GUCY1A2: variants seen among roughly 807,000 people sequenced by gnomAD.
GUCY1A2 encodes guanylate cyclase soluble subunit alpha-2.
In GUCY1A2, 27 loss-of-function variants were observed where a neutral mutation model predicts 63.5. The ratio of observed to expected loss-of-function variants is 0.43; its 90% CI spans 0.31 to 0.59. The LOEUF is 0.59. Among genes scored for constraint, GUCY1A2 ranks in the 20% least tolerant of loss-of-function variants. The pLI is 0.11. For synonymous variants in GUCY1A2, 364 were observed against 343.5 expected, an observed-to-expected ratio of 1.06 and a Z score of -0.66; for missense variants, 768 against 913.3, an observed-to-expected ratio of 0.84 and a Z score of 2.05.
intron 5 of GUCY1A2, among the ~76,000 whole-genome samples, chr11:106,788,040 A>C (rs1403645332): frequency 1.3e-5 from 2 of 152,146 alleles, no homozygotes; most frequent in African/African-American, 4.8e-5. Flanking sequence ...GATTTTCTCC[A>C]GTATTTATTA....
chr11:106,800,395 C>G (rs970624659), intron 5 of GUCY1A2, among the ~76,000 whole-genome samples: 2 of 152,126 alleles, frequency 1.3e-5, no homozygotes. Flanking sequence ...TGGGTATATG[C>G]CCAAAGGATT....
intron 5 of GUCY1A2, among the ~76,000 whole-genome samples, chr11:106,782,395 C>A (rs902788637): frequency 6.6e-5 from 10 of 152,188 alleles, no homozygotes; most frequent in Non-Finnish European, 1.0e-4. Flanking sequence ...GAAATGCTTT[C>A]TTTTCTCTCT....
At position 107,018,462 on chromosome 11, in the gene GUCY1A2, G is replaced by C. The variant is rs903762097; in HGVS notation, c.-407C>G. 5 of 151,150 alleles carry C rather than the reference G, an allele frequency of 3.3e-5. No individual in the cohort carries two copies. Among genetic ancestry groups the C allele is most frequent in the African/African-American group, 1.2e-4 (5 of 41,342 alleles). The allele number at this position is 151,150 out of a possible 1,614,324, so 9.4% of individuals were successfully genotyped here. ...TGCGGCCCAAGCAGAAGGGGAGGCA[G>C]AGGCAGAGGCTTCTGCCGCCTGCGC... On this transcript the variant is annotated 5_prime_UTR_variant, in exon 1 of 8. Transcript: ENST00000526355.
intron 5 of GUCY1A2, among the ~76,000 whole-genome samples, chr11:106,781,901 CATTTAAAAGA>C (rs1565288261): frequency 6.6e-6 from 1 of 152,112 alleles, no homozygotes. Context: ...AGTTTTAGAT[CATTTAAAAGA>C]ATTTCTTTTA....
chr11:106,772,830 G>A (rs1000527266), intron 6 of GUCY1A2, among the ~76,000 whole-genome samples: 25 of 152,070 alleles, frequency 1.6e-4, no homozygotes, highest in Non-Finnish European at 2.9e-4. Flanking sequence ...TTTAAGAACT[G>A]ATTAGTTCAA....
chr11:106,851,340 A>C (rs983400799), intron 4 of GUCY1A2, among the ~76,000 whole-genome samples: 1 of 151,902 alleles, frequency 6.6e-6, no homozygotes, highest in East Asian at 1.9e-4. Flanking sequence ...GCTGTGCAGA[A>C]GCTTCTTAGT....
At position 106,687,644 on chromosome 11, in the gene GUCY1A2, C is replaced by G. The variant is rs761987000; in HGVS notation, c.2104G>C (p.Gly702Arg). The G allele has an allele frequency of 6.2e-7, 1 of 1,613,792 alleles. No individual in the cohort carries two copies. Among genetic ancestry groups the G allele is most frequent in the African/African-American group, 1.3e-5 (1 of 75,002 alleles). ...AGAGAAGGCTTTGGTGGCTTTGGACCAGTCCTTACCTCCAGGAAATAGCAG... is the reference window on the plus strand; with the variant it reads ...AGAGAAGGCTTTGGTGGCTTTGGACGAGTCCTTACCTCCAGGAAATAGCAG... Reference protein sequence around the residue: ...GICYFLEVRTGPKPPKPSLSS... With the variant: ...GICYFLEVRTRPKPPKPSLSS... Residue 702 changes from glycine (G) to arginine (R), a missense_variant, in exon 8 of 8, where the codon GGT (glycine) becomes CGT (arginine). Physicochemically the swap from Gly to Arg is moderately radical, Grantham distance 125. Coordinates refer to ENST00000526355, the MANE Select transcript of GUCY1A2 (RefSeq NM_000855.3).
intron 4 of GUCY1A2, among the ~76,000 whole-genome samples, chr11:106,919,000 C>T (rs1404661545): frequency 6.6e-6 from 1 of 152,040 alleles, no homozygotes; most frequent in African/African-American, 2.4e-5. Flanking sequence ...TAATACCAGA[C>T]TATAATTACA....
intron 2 of GUCY1A2, among the ~76,000 whole-genome samples, chr11:106,983,840 A>T (rs1861367542): frequency 6.6e-6 from 1 of 152,214 alleles, no homozygotes; most frequent in African/African-American, 2.4e-5. Flanking sequence ...AATTCTCAAT[A>T]CAGGGATTTC....
chr11:106,989,246 T>C (rs999762845), intron 1 of GUCY1A2, among the ~76,000 whole-genome samples: 1 of 152,228 alleles, frequency 6.6e-6, no homozygotes, highest in African/African-American at 2.4e-5. Flanking sequence ...AAAAGAGGTT[T>C]TAAAGTCAAA....
intron 6 of GUCY1A2, among the ~76,000 whole-genome samples, chr11:106,748,054 A>G (rs1022620442): frequency 6.6e-6 from 1 of 152,182 alleles, no homozygotes; most frequent in Non-Finnish European, 1.5e-5. Context: ...TTAAGCTCTC[A>G]TTTCCTCCAA....
chr11:107,007,483 A>G (rs1052511747), intron 1 of GUCY1A2, among the ~76,000 whole-genome samples: 1 of 152,190 alleles, frequency 6.6e-6, no homozygotes, highest in African/African-American at 2.4e-5. Flanking sequence ...GATTGTCCCC[A>G]AACACCTCAA....
At chr11:106,872,862 A>G (rs1859699542) in intron 4 of GUCY1A2, among the ~76,000 whole-genome samples, 1 of 152,120 alleles carries the variant, frequency 6.6e-6, no homozygotes, top group South Asian at 2.1e-4. Context: ...ACATAGGTAT[A>G]CATGTGCCAT....
At chr11:106,878,513 A>G (rs1438828358) in intron 4 of GUCY1A2, among the ~76,000 whole-genome samples, 1 of 152,062 alleles carries the variant, frequency 6.6e-6, no homozygotes, top group Non-Finnish European at 1.5e-5. Flanking sequence ...ATACTTAACA[A>G]ACTAATGCAG....
chr11:106,769,035 C>T (rs1864210546), intron 6 of GUCY1A2, among the ~76,000 whole-genome samples: 1 of 152,118 alleles, frequency 6.6e-6, no homozygotes, highest in African/African-American at 2.4e-5. Context: ...ACTGCTAGAG[C>T]CCCTAGTCTC....
intron 4 of GUCY1A2, among the ~76,000 whole-genome samples, chr11:106,887,939 A>G (rs992054235): frequency 1.2e-4 from 18 of 152,126 alleles, no homozygotes; most frequent in African/African-American, 3.9e-4. Flanking sequence ...TATAATGTCA[A>G]CTTCATCTTT....
At chr11:106,782,807 A>G (rs774245652) in intron 5 of GUCY1A2, among the ~76,000 whole-genome samples, 1 of 152,204 alleles carries the variant, frequency 6.6e-6, no homozygotes, top group South Asian at 2.1e-4. Flanking sequence ...ATGGATACTT[A>G]CTAGTAACAG....
chr11:106,778,596 G>C (rs894493584), intron 5 of GUCY1A2, among the ~76,000 whole-genome samples: 1 of 151,988 alleles, frequency 6.6e-6, no homozygotes, highest in Non-Finnish European at 1.5e-5. Flanking sequence ...GGGAGGCGGA[G>C]CTTGCAGTGA....
intron 3 of GUCY1A2, among the ~76,000 whole-genome samples, chr11:106,973,605 AGAG>A (rs550758963): frequency 0.014 from 2,090 of 152,216 alleles, 27 homozygotes; most frequent in South Asian, 0.048. Context: ...AATTAGCATC[AGAG>A]GAGTGATGAC....
Sources: allele counts gnomAD v4.1 joint callset (sites outside exome capture counted in the v4.1 genomes callset), GRCh38; gene constraint gnomAD v4.1.1; transcripts MANE v1.5; gene names NCBI Gene and HGNC (gene_info 2026-07-23, HGNC 2026-07-21).